Variants in CAB39L observed in about 807,000 individuals in gnomAD.
CAB39L encodes calcium binding protein 39 like.
In CAB39L, 23 loss-of-function variants were observed where a neutral mutation model predicts 39.1. The ratio of observed to expected loss-of-function variants is 0.59; its 90% CI spans 0.42 to 0.83. CAB39L has a LOEUF of 0.83. CAB39L is among the 40% of genes least tolerant of loss of function. CAB39L has a pLI of 0.00. For missense variants in CAB39L, 366 were observed against 391.9 expected (o/e 0.93, Z 0.56); for synonymous variants, 126 against 137.2 (o/e 0.92, Z 0.57).
intron 5 of CAB39L, among the ~76,000 whole-genome samples, chr13:49,370,593 T>C (rs570542493): frequency 1.3e-5 from 2 of 152,276 alleles, no homozygotes; most frequent in Admixed American, 1.3e-4. Flanking sequence ...AAATGGTTGT[T>C]CCCATGGTAA....
At chr13:49,386,437 T>A (rs4942825) in intron 3 of CAB39L, among the ~76,000 whole-genome samples, 29,804 of 151,928 alleles carry the variant, frequency 0.2, 3,101 homozygotes, top group African/African-American at 0.24. Flanking sequence ...AAAAACACAA[T>A]CCCTGTTCTT....
chr13:49,310,036 G>A lies in CAB39L; in HGVS notation c.*778C>T, dbSNP rs1953941568. 1 of 152,332 alleles carries A rather than the reference G, an allele frequency of 6.6e-6. No homozygotes were observed. Among genetic ancestry groups the A allele is most frequent in the Non-Finnish European group, 1.5e-5 (1 of 68,164 alleles). The allele number at this position is 152,332 out of a possible 1,614,324, so 9.4% of individuals were successfully genotyped here. On this transcript the variant is annotated 3_prime_UTR_variant, in exon 11 of 11. Transcript: ENST00000409308. ...ATATTCTGTCCCTCACTCACCCTCT[G>A]GAAGCTAATATGGAGCAGCAGTCAC...
chr13:49,337,397 C>G (rs1954878200), intron 9 of CAB39L, among the ~76,000 whole-genome samples: 2 of 152,156 alleles, frequency 1.3e-5, no homozygotes. Flanking sequence ...TGAGAGGGAT[C>G]TGAAGGACAG....
chr13:49,346,100 G>GAT (rs370368670), intron 7 of CAB39L, among the ~76,000 whole-genome samples: 1,352 of 30,902 alleles, frequency 0.044, 157 homozygotes, highest in Non-Finnish European at 0.058. Context: ...ATATATGCTA[G>GAT]ATATATATAT....
At chr13:49,430,180 T>C (rs1484836573) in intron 3 of CAB39L, among the ~76,000 whole-genome samples, 1 of 152,226 alleles carries the variant, frequency 6.6e-6, no homozygotes, top group African/African-American at 2.4e-5. Flanking sequence ...CAATTTAAAT[T>C]TAGTTGCACA....
chr13:49,358,405 A>G (rs1182965132), intron 6 of CAB39L, among the ~76,000 whole-genome samples: 2 of 152,246 alleles, frequency 1.3e-5, no homozygotes, highest in Non-Finnish European at 2.9e-5. Context: ...ACTATCATCT[A>G]GTTTATCTTG....
intron 6 of CAB39L, among the ~76,000 whole-genome samples, chr13:49,352,978 A>C (rs1469123359): frequency 6.6e-6 from 1 of 152,248 alleles, no homozygotes; most frequent in Non-Finnish European, 1.5e-5. Context: ...CAATTGAGGA[A>C]ATAGACTACT....
At position 49,364,372 on chromosome 13, in the gene CAB39L, C is replaced by T. The variant is rs56344326; in HGVS notation, c.277-4540G>A. Among the ~76,000 whole-genome samples, 1,160 of 151,606 alleles carry T rather than the reference C, an allele frequency of 7.7e-3. 9 individuals carry two copies. Among genetic ancestry groups the T allele is most frequent in the African/African-American group, 0.025 (1,016 of 41,302 alleles). On this transcript the variant is annotated intron_variant, in intron 5 of 10. Coordinates refer to ENST00000409308, the MANE Select transcript of CAB39L (RefSeq NM_001079670.3). ...GAGACAGATCCCAATACAACAGTAG[C>T]AGATCTTAGATTTGGAGCATGACAA...
At chr13:49,398,896 C>T (rs1020856134) in intron 3 of CAB39L, among the ~76,000 whole-genome samples, 1 of 152,002 alleles carries the variant, frequency 6.6e-6, no homozygotes, top group African/African-American at 2.4e-5. Flanking sequence ...GATACCTAAC[C>T]TTGTAAATTG....
chr13:49,418,304 T>C (rs1957117892), intron 3 of CAB39L, among the ~76,000 whole-genome samples: 1 of 152,182 alleles, frequency 6.6e-6, no homozygotes, highest in Non-Finnish European at 1.5e-5. Flanking sequence ...TATGATTCCA[T>C]TCATATAAAA....
chr13:49,408,178 G>C (rs1956921893), intron 3 of CAB39L, among the ~76,000 whole-genome samples: 1 of 152,314 alleles, frequency 6.6e-6, no homozygotes, highest in South Asian at 2.1e-4. Flanking sequence ...GAGTATAATA[G>C]AGAATAGGTT....
intron 10 of CAB39L, among the ~76,000 whole-genome samples, chr13:49,324,285 C>T (rs575352623): frequency 6.6e-6 from 1 of 151,898 alleles, no homozygotes; most frequent in Non-Finnish European, 1.5e-5. Flanking sequence ...CCACTGCACT[C>T]AAGCCTGGGT....
At chr13:49,439,376 A>G (rs1186917378) in intron 1 of CAB39L, among the ~76,000 whole-genome samples, 1 of 152,170 alleles carries the variant, frequency 6.6e-6, no homozygotes, top group Non-Finnish European at 1.5e-5. Flanking sequence ...TGAAGTCTGG[A>G]GTATGACAGA....
chr13:49,416,017 G>C (rs1957079560), intron 3 of CAB39L, among the ~76,000 whole-genome samples: 1 of 152,036 alleles, frequency 6.6e-6, no homozygotes, highest in Non-Finnish European at 1.5e-5. Flanking sequence ...AGCAAATAAT[G>C]CTTTCTCTCA....
At chr13:49,355,567 C>A (rs1213019022) in intron 6 of CAB39L, among the ~76,000 whole-genome samples, 1 of 151,984 alleles carries the variant, frequency 6.6e-6, no homozygotes, top group Non-Finnish European at 1.5e-5. Flanking sequence ...AGTTGGGTGG[C>A]ATATCTCGTT....
At chr13:49,390,006 A>G (rs1956453370) in intron 3 of CAB39L, among the ~76,000 whole-genome samples, 1 of 152,024 alleles carries the variant, frequency 6.6e-6, no homozygotes, top group African/African-American at 2.4e-5. Flanking sequence ...TATTTTTAGT[A>G]GAGACGGGGT....
intron 1 of CAB39L, 34 bp downstream of exon 1, chr13:49,443,952 C>G (rs1453726089): frequency 2.2e-6 from 1 of 456,792 alleles, no homozygotes; most frequent in South Asian, 1.5e-5. Context: ...AAGCCCAGTC[C>G]CAGCCACACA....
chr13:49,357,775 A>C lies in CAB39L; in HGVS notation c.395+1939T>G, dbSNP rs78220121. 3.3e-3 allele frequency among the ~76,000 whole-genome samples: 499 copies of C among 152,058 alleles called. 6 individuals carry two copies. In the East Asian group the frequency reaches 0.039, roughly 12 times the overall value. ...AGCTATTTTCTATGTTGCCACCAGA[A>C]CTCCTCATGTCTAGTCCCTGGATGA... On this transcript the variant is annotated intron_variant, in intron 6 of 10. Coordinates refer to ENST00000409308, the MANE Select transcript of CAB39L (RefSeq NM_001079670.3).
chr13:49,388,663 T>C (rs1024553896), intron 3 of CAB39L, among the ~76,000 whole-genome samples: 2 of 152,052 alleles, frequency 1.3e-5, no homozygotes, highest in Admixed American at 6.6e-5. Context: ...AAATCAGAAA[T>C]AGTTCTTGAA....
Sources: gnomAD v4.1 joint callset for allele counts (sites outside exome capture counted in the v4.1 genomes callset) on GRCh38, gnomAD v4.1.1 for gene constraint, MANE v1.5 for transcripts, NCBI Gene and HGNC (gene_info 2026-07-23, HGNC 2026-07-21) for gene names.